Variants in PRELID2 observed in about 807,000 individuals in gnomAD.
The protein encoded by PRELID2 is PRELI domain-containing protein 2.
Under a neutral mutation model 28.4 loss-of-function variants are expected in PRELID2, and 25 were observed. That is an observed-to-expected ratio of 0.88 (90% CI 0.64 to 1.23). The LOEUF is 1.23. PRELID2 is among the 50% of genes most tolerant of loss of function. PRELID2 has a pLI of 0.00. For synonymous variants in PRELID2, 76 were observed against 71.6 expected (o/e 1.06, Z -0.31); for missense variants, 201 against 214.4 (o/e 0.94, Z 0.39).
intron 1 of PRELID2, among the ~76,000 whole-genome samples, chr5:145,535,672 T>C (rs1001353379): frequency 2.0e-5 from 3 of 151,918 alleles, no homozygotes. Context: ...TAGCTGCCTA[T>C]GTTCTGCAGA....
At chr5:145,821,223 GTGTGTGTATGTGTGTGTAAGCCCTCTTC>G (rs1433360836) in intron 2 of PRELID2, among the ~76,000 whole-genome samples, 61 of 143,472 alleles carry the variant, frequency 4.3e-4, no homozygotes, top group African/African-American at 1.6e-3. Flanking sequence ...CCTCTTCTGT[GTGTGTGTATGTGTGTGTAAGCCCTCTTC>G]TGTGTGTATG....
At chr5:145,487,445 A>G (rs1752228115) in intron 1 of PRELID2, among the ~76,000 whole-genome samples, 1 of 152,152 alleles carries the variant, frequency 6.6e-6, no homozygotes, top group East Asian at 1.9e-4. Context: ...CATTAGGACA[A>G]TTTTAATACT....
At chr5:145,833,330 G>A (rs1755726710) in intron 1 of PRELID2, among the ~76,000 whole-genome samples, 1 of 152,162 alleles carries the variant, frequency 6.6e-6, no homozygotes, top group Non-Finnish European at 1.5e-5. Flanking sequence ...TTCTGAGAAG[G>A]TGGAGATCAA....
chr5:145,254,392 AT>A, the PRELID2 span, among the ~76,000 whole-genome samples: 1 of 152,114 alleles, frequency 6.6e-6, no homozygotes, highest in African/African-American at 2.4e-5. Flanking sequence ...GCCAGTGATG[AT>A]TATTTTGCTC....
the PRELID2 span, among the ~76,000 whole-genome samples, chr5:145,389,001 C>T: frequency 1.6e-3 from 247 of 152,222 alleles, no homozygotes; most frequent in African/African-American, 5.7e-3. Flanking sequence ...ATCTTACTCA[C>T]CACTGTAGTG....
chr5:145,637,686 T>G (rs544516901), intron 1 of PRELID2, among the ~76,000 whole-genome samples: 1 of 152,004 alleles, frequency 6.6e-6, no homozygotes, highest in Non-Finnish European at 1.5e-5. Flanking sequence ...TTAGTAAGAG[T>G]GTGGGAGGAA....
chr5:145,593,081 A>C (rs1753254210), intron 1 of PRELID2, among the ~76,000 whole-genome samples: 1 of 152,208 alleles, frequency 6.6e-6, no homozygotes, highest in Non-Finnish European at 1.5e-5. Context: ...GAGAAAGAAA[A>C]TGGATGTAAG....
At position 145,670,487 on chromosome 5, in the gene PRELID2, G is replaced by T. The variant is rs547427239; in HGVS notation, n.70+94444C>A. ...CAAACCATATCACCCATGAAGGCAG[G>T]GATGGATTCTGTGTTTGCTCATTTG... On this transcript the variant is annotated intron_variant and non_coding_transcript_variant, in intron 1 of 2. Coordinates refer to the PRELID2 transcript ENST00000510259. 3.9e-5 allele frequency among the ~76,000 whole-genome samples: 6 copies of T among 152,206 alleles called. No homozygotes were observed. The East Asian group carries it at 1.2e-3, about 29-fold the overall frequency.
chr5:145,602,320 T>C (rs1753410225), intron 1 of PRELID2, among the ~76,000 whole-genome samples: 1 of 152,210 alleles, frequency 6.6e-6, no homozygotes, highest in Non-Finnish European at 1.5e-5. Flanking sequence ...AAGGAATTAA[T>C]GCTAAAAGTA....
chr5:145,486,077 T>G (rs1752215036), intron 1 of PRELID2, among the ~76,000 whole-genome samples: 1 of 152,178 alleles, frequency 6.6e-6, no homozygotes, highest in South Asian at 2.1e-4. Flanking sequence ...TCTCATTGTT[T>G]TCACCTAGAA....
intron 1 of PRELID2, among the ~76,000 whole-genome samples, chr5:145,535,205 C>G (rs1184792776): frequency 6.6e-6 from 1 of 151,882 alleles, no homozygotes. Context: ...ATTTAAATGG[C>G]TCTCTATGCA....
the PRELID2 span, among the ~76,000 whole-genome samples, chr5:145,258,605 G>A: frequency 6.6e-6 from 1 of 152,170 alleles, no homozygotes; most frequent in Non-Finnish European, 1.5e-5. Context: ...AAGCAGTAAA[G>A]CATTCAAGAT....
At chr5:145,816,296 G>A (rs1754304185) in intron 4 of PRELID2, among the ~76,000 whole-genome samples, 1 of 151,610 alleles carries the variant, frequency 6.6e-6, no homozygotes, top group South Asian at 2.1e-4. Flanking sequence ...TGACTAGGGT[G>A]GTCTCAAACT....
chr5:145,442,338 G>T, the PRELID2 span, among the ~76,000 whole-genome samples: 1 of 151,998 alleles, frequency 6.6e-6, no homozygotes, highest in Non-Finnish European at 1.5e-5. Flanking sequence ...GCCTGGTACA[G>T]ATCAGGAATT....
intron 2 of PRELID2, among the ~76,000 whole-genome samples, chr5:145,821,311 A>G (rs567470381): frequency 1.4e-3 from 177 of 129,508 alleles, no homozygotes; most frequent in African/African-American, 5.4e-3. Context: ...GTGTGTGTGT[A>G]TGTGTGTAAG....
At chr5:145,770,041 G>GC (rs1370270381) in intron 5 of PRELID2, among the ~76,000 whole-genome samples, 1 of 152,196 alleles carries the variant, frequency 6.6e-6, no homozygotes, top group African/African-American at 2.4e-5. Flanking sequence ...AGCTGTCATA[G>GC]CCCAATACAT....
At chr5:145,664,777 A>G (rs1754556554) in intron 1 of PRELID2, among the ~76,000 whole-genome samples, 1 of 152,090 alleles carries the variant, frequency 6.6e-6, no homozygotes, top group South Asian at 2.1e-4. Flanking sequence ...CTTTCAGTGT[A>G]GCACTGCCTC....
chr5:145,512,215 A>G (rs1231601761), intron 1 of PRELID2, among the ~76,000 whole-genome samples: 2 of 152,158 alleles, frequency 1.3e-5, no homozygotes, highest in African/African-American at 4.8e-5. Context: ...AGATCAACAC[A>G]GAAGGCAGGT....
the PRELID2 span, among the ~76,000 whole-genome samples, chr5:145,300,995 C>T: frequency 2.0e-5 from 3 of 151,978 alleles, no homozygotes; most frequent in African/African-American, 4.8e-5. Flanking sequence ...TATTCTATCA[C>T]CTTTTGAACA....
Sources: gnomAD v4.1 joint callset for allele counts (sites outside exome capture counted in the v4.1 genomes callset) on GRCh38, gnomAD v4.1.1 for gene constraint, MANE v1.5 for transcripts, NCBI Gene and HGNC (gene_info 2026-07-23, HGNC 2026-07-21) for gene names.